The following UVSSA variants were observed in gnomAD, a reference collection of about 807,000 sequenced individuals.
UVSSA encodes the protein UV-stimulated scaffold protein A.
In UVSSA, 72 loss-of-function variants were observed where a neutral mutation model predicts 73.9. The observed-to-expected ratio is 0.97, with a 90% CI of 0.81 to 1.19. The LOEUF is 1.19. Among genes scored for constraint, UVSSA ranks in the 50% most tolerant of loss-of-function variants. The pLI is 0.00. For missense variants in UVSSA, 1,150 were observed against 965.0 expected (o/e 1.19, Z -2.54); for synonymous variants, 454 against 391.3 (o/e 1.16, Z -1.89).
At position 1,351,818 on chromosome 4, in the gene UVSSA, C is replaced by G. The variant is rs373828028; in HGVS notation, c.533C>G (p.Ala178Gly). The change falls in exon 4 of 14, where the codon GCG (alanine) becomes GGG (glycine). Residue 178 changes from alanine to glycine, a missense_variant. By Grantham distance (60) the Ala-to-Gly change is moderately conservative. Transcript: ENST00000389851. ...ATTTATCAAGAAAGAGCCAGCCAGG[C>G]GGAGAGGGAGATGCAAGGCAAGTGT... ...DKIYQERASQ[A>G]EREMQEMSGE... The G allele has an allele frequency of 3.7e-6, 6 of 1,613,282 alleles. No homozygotes were observed. In the South Asian group the frequency reaches 4.4e-5, roughly 12 times the overall value.
upstream of UVSSA, among the ~76,000 whole-genome samples, chr4:1,345,305 T>G (rs1713581175): frequency 6.6e-6 from 1 of 151,796 alleles, no homozygotes; most frequent in Admixed American, 6.6e-5. Context: ...GAAGCCCAAG[T>G]GAGTCAGATA....
intron 8 of UVSSA, among the ~76,000 whole-genome samples, chr4:1,371,899 T>C (rs1298735940): frequency 6.6e-6 from 1 of 152,220 alleles, no homozygotes; most frequent in East Asian, 1.9e-4. Context: ...CCACCCGTGA[T>C]ACGGCTCATT....
intron 8 of UVSSA, among the ~76,000 whole-genome samples, chr4:1,372,155 A>T (rs879117985): frequency 3.3e-5 from 5 of 152,116 alleles, no homozygotes; most frequent in Non-Finnish European, 5.9e-5. Flanking sequence ...TTTCGTAGTA[A>T]ATCTTTTTTC....
chr4:1,359,315 A>G (rs1716271343), intron 7 of UVSSA: 1 of 152,188 alleles, frequency 6.6e-6, no homozygotes, highest in African/African-American at 2.4e-5. Context: ...ATCAATGTGC[A>G]GCGTCATTTG....
At chr4:1,354,902 A>C in intron 6 of UVSSA, 55 bp downstream of exon 6, 6 of 1,196,386 alleles carry the variant, frequency 5.0e-6, no homozygotes, top group Non-Finnish European at 7.0e-6. Flanking sequence ...AGTGCCATGC[A>C]TGGGGGGGGT....
chr4:1,351,902 C>T (rs1466580268), intron 4 of UVSSA, 67 bp downstream of exon 4: 2 of 1,582,734 alleles, frequency 1.3e-6, no homozygotes, highest in East Asian at 2.3e-5. Flanking sequence ...GCAGTTCATC[C>T]TCCTGGTCCC....
At chr4:1,356,671 A>T (rs1715815876) in intron 7 of UVSSA, 1 of 152,316 alleles carries the variant, frequency 6.6e-6, no homozygotes, top group Admixed American at 6.5e-5. Flanking sequence ...TTGGGCCCAC[A>T]GGATGGCAGC....
upstream of UVSSA, among the ~76,000 whole-genome samples, chr4:1,345,373 G>C: frequency 6.6e-6 from 1 of 152,174 alleles, no homozygotes; most frequent in East Asian, 1.9e-4. Flanking sequence ...GCCCAGGCAC[G>C]GTGGCTCACG....
At chr4:1,344,999 AAC>A (rs564332688), upstream of UVSSA, among the ~76,000 whole-genome samples, 155 of 152,292 alleles carry the variant, frequency 1.0e-3, no homozygotes, top group African/African-American at 3.4e-3. Flanking sequence ...GGGGGCAGCA[AAC>A]ACAGGCCACG....
intron 8 of UVSSA, among the ~76,000 whole-genome samples, chr4:1,369,709 C>T (rs1335632601): frequency 1.3e-5 from 2 of 152,254 alleles, no homozygotes; most frequent in Non-Finnish European, 2.9e-5. Context: ...GCAGAGGCCC[C>T]CCTCTCCGTT....
At chr4:1,377,722 T>C (rs1396119508) in intron 10 of UVSSA, among the ~76,000 whole-genome samples, 1 of 152,132 alleles carries the variant, frequency 6.6e-6, no homozygotes, top group Non-Finnish European at 1.5e-5. Context: ...CGGTTAGTCC[T>C]GGATGGCACC....
intron 4 of UVSSA, among the ~76,000 whole-genome samples, chr4:1,352,117 T>C (rs1164717726): frequency 6.6e-6 from 1 of 152,218 alleles, no homozygotes; most frequent in Non-Finnish European, 1.5e-5. Context: ...TGGGCAGTGG[T>C]CTGAGCCCCA....
upstream of UVSSA, among the ~76,000 whole-genome samples, chr4:1,345,514 G>A (rs191872918): frequency 5.3e-4 from 80 of 152,070 alleles, 1 homozygote; most frequent in East Asian, 0.014. Context: ...GCGTGGTGGC[G>A]GGTGACTGTC....
chr4:1,345,850 T>G (rs1713623371), upstream of UVSSA, among the ~76,000 whole-genome samples: 1 of 151,992 alleles, frequency 6.6e-6, no homozygotes, highest in South Asian at 2.1e-4. Flanking sequence ...CGGCACCCTT[T>G]TATACTAATG....
upstream of UVSSA, among the ~76,000 whole-genome samples, chr4:1,344,060 G>T (rs1713521881): frequency 6.6e-6 from 1 of 151,890 alleles, no homozygotes; most frequent in African/African-American, 2.4e-5. Context: ...TGGGTGGAGG[G>T]GGAGGAGGGG....
In UVSSA at chr4:1,386,113, C is replaced by A; in HGVS notation, c.*152C>A. The A allele has an allele frequency of 1.2e-6, 1 of 807,464 alleles. No homozygotes were observed. Among genetic ancestry groups the A allele is most frequent in the Non-Finnish European group, 2.0e-6 (1 of 502,978 alleles). The allele number at this position is 807,464 out of a possible 1,614,324, so 50.0% of individuals were successfully genotyped here. On this transcript the variant is annotated 3_prime_UTR_variant, in exon 14 of 14. Coordinates refer to ENST00000389851, the MANE Select transcript of UVSSA (RefSeq NM_020894.4). ...GGTGTGTTGCAATGCCCTGAAGGTA[C>A]GGCCGCTCTGCTGCTACAGGGTTCG...
intron 8 of UVSSA, among the ~76,000 whole-genome samples, chr4:1,368,099 G>GC (rs1717575096): frequency 6.6e-6 from 1 of 152,222 alleles, no homozygotes; most frequent in Non-Finnish European, 1.5e-5. Context: ...CGGGGCCTAG[G>GC]CAGCCGTCTT....
chr4:1,394,595 C>G (rs762986978), exon 14 of UVSSA: 2 of 1,424,520 alleles, frequency 1.4e-6, no homozygotes, highest in Admixed American at 2.1e-5. Flanking sequence ...GCTCATGTGC[C>G]CATGTGGAGT....
intron 4 of UVSSA, among the ~76,000 whole-genome samples, chr4:1,352,408 A>G: frequency 6.6e-6 from 1 of 152,242 alleles, no homozygotes; most frequent in Non-Finnish European, 1.5e-5. Flanking sequence ...CGCAGGCCTC[A>G]GGGCAGCTCA....
Sources: gnomAD v4.1 joint callset for allele counts (sites outside exome capture counted in the v4.1 genomes callset) on GRCh38, gnomAD v4.1.1 for gene constraint, MANE v1.5 for transcripts, NCBI Gene and HGNC (gene_info 2026-07-23, HGNC 2026-07-21) for gene names.